The following PDAP1 variants were observed in gnomAD, a reference collection of about 807,000 sequenced individuals.
The protein encoded by PDAP1 is PDGFA associated protein 1, also known as 28 kDa heat- and acid-stable phosphoprotein.
In PDAP1, 13 loss-of-function variants were observed where a neutral mutation model predicts 28.0. The observed-to-expected ratio is 0.46, with a 90% confidence interval of 0.30 to 0.74. PDAP1 has a LOEUF of 0.74. Ranked by LOEUF, PDAP1 falls within the 30% of genes least tolerant of loss-of-function variation. The pLI is 0.07. For synonymous variants in PDAP1, 77 were observed against 85.1 expected (o/e 0.91, Z 0.52); for missense variants, 150 against 230.0 (o/e 0.65, Z 2.25).
At chr7:99,402,654 G>A (rs946562836) in intron 3 of PDAP1, among the ~76,000 whole-genome samples, 10 of 150,868 alleles carry the variant, frequency 6.6e-5, no homozygotes, top group East Asian at 3.9e-4. Flanking sequence ...AGGCTGATGC[G>A]GGTGGATCAC....
intron 4 of PDAP1, among the ~76,000 whole-genome samples, chr7:99,399,153 C>T (rs1404108849): frequency 6.6e-6 from 1 of 152,048 alleles, no homozygotes; most frequent in Non-Finnish European, 1.5e-5. Context: ...GTACACAGAA[C>T]TGGGGAGTAA....
chr7:99,408,125 A>C (rs1481244425), intron 1 of PDAP1, among the ~76,000 whole-genome samples: 1 of 152,142 alleles, frequency 6.6e-6, no homozygotes, highest in African/African-American at 2.4e-5. Flanking sequence ...AAGTCCTCCT[A>C]GGCAGGCCTG....
At chr7:99,402,522 C>T (rs1584420958) in intron 3 of PDAP1, among the ~76,000 whole-genome samples, 2 of 145,064 alleles carry the variant, frequency 1.4e-5, no homozygotes, top group East Asian at 4.1e-4. Flanking sequence ...TGCGGTGCTT[C>T]ACTGCAGCTT....
At chr7:99,402,827 T>C (rs1433646021) in intron 3 of PDAP1, among the ~76,000 whole-genome samples, 3 of 140,782 alleles carry the variant, frequency 2.1e-5, no homozygotes, top group Admixed American at 1.5e-4. Flanking sequence ...TGCAGTGAGC[T>C]GAGATCGTGC....
chr7:99,397,490 C>A (rs915386623), intron 5 of PDAP1, among the ~76,000 whole-genome samples: 1 of 152,194 alleles, frequency 6.6e-6, no homozygotes, highest in African/African-American at 2.4e-5. Flanking sequence ...GCGGTGACCT[C>A]AGGCATCTCT....
At chr7:99,402,170 A>C (rs988385454) in intron 3 of PDAP1, among the ~76,000 whole-genome samples, 5 of 144,684 alleles carry the variant, frequency 3.5e-5, no homozygotes, top group African/African-American at 1.3e-4. Context: ...CGGAGCTTGC[A>C]GTGAGCCGAG....
In PDAP1 at chr7:99,400,289, G is replaced by GCCA. The variant is rs375916830; in HGVS notation, c.335+11_335+13dup. On this transcript the variant is annotated intron_variant, in intron 4 of 5. Coordinates refer to ENST00000350498, the MANE Select transcript of PDAP1 (RefSeq NM_014891.7). Reference sequence around the variant, plus strand: ...TGTATTCCCCGTGACACAAGGCCCAGCCAGTGATGTTACCGTTCTCTCCTC... The same window carrying GCCA: ...TGTATTCCCCGTGACACAAGGCCCAGCCACCAGTGATGTTACCGTTCTCTCCTC... 4 of 1,612,930 alleles carry GCCA rather than the reference G, an allele frequency of 2.5e-6. No individual in the cohort carries two copies. The African/African-American group carries it at 4.0e-5, about 16-fold the overall frequency.
intron 3 of PDAP1, among the ~76,000 whole-genome samples, chr7:99,402,899 AAAG>A (rs1465331157): frequency 6.6e-4 from 99 of 150,198 alleles, no homozygotes; most frequent in African/African-American, 2.4e-3. Context: ...AAAAAAAAGA[AAAG>A]AAAAGAAAAG....
At chr7:99,399,666 T>C (rs1415025971) in intron 4 of PDAP1, among the ~76,000 whole-genome samples, 1 of 152,128 alleles carries the variant, frequency 6.6e-6, no homozygotes, top group Non-Finnish European at 1.5e-5. Context: ...CCCTCAGCCA[T>C]TATCCTAAAT....
intron 3 of PDAP1, 56 bp downstream of exon 3, chr7:99,403,342 C>T (rs1472793771): frequency 3.6e-5 from 38 of 1,066,258 alleles, no homozygotes; most frequent in Non-Finnish European, 5.0e-5. Flanking sequence ...GGTCACTCAA[C>T]GTTTGTTTGT....
intron 4 of PDAP1, among the ~76,000 whole-genome samples, chr7:99,398,699 A>C (rs1485023315): frequency 1.3e-5 from 2 of 152,112 alleles, no homozygotes; most frequent in East Asian, 3.9e-4. Context: ...GTGAAATCCT[A>C]TCTCTAAAAA....
chr7:99,399,287 G>A (rs531320385), intron 4 of PDAP1, among the ~76,000 whole-genome samples: 43 of 152,304 alleles, frequency 2.8e-4, no homozygotes, highest in African/African-American at 1.0e-3. Flanking sequence ...TAGCTCAGGA[G>A]GGATGTGCCA....
Position 99,396,531 on chromosome 7 carries a change from T to A in PDAP1, c.*151A>T. On this transcript the variant is annotated 3_prime_UTR_variant, in exon 6 of 6. Transcript: ENST00000350498. Reference sequence around the variant, plus strand: ...CCCCCCCCATCCCCCAAACAATTTCTGTGCCAAGATGAAGAGGAGGCCCCA... The same window carrying A: ...CCCCCCCCATCCCCCAAACAATTTCAGTGCCAAGATGAAGAGGAGGCCCCA... 4.5e-6 allele frequency: 2 copies of A among 440,938 alleles called. No homozygotes were observed. Among genetic ancestry groups the A allele is most frequent in the East Asian group, 1.3e-4 (2 of 15,620 alleles). 27.3% of individuals were successfully genotyped at this position (440,938 alleles called of 1,614,324 possible).
At chr7:99,397,733 C>G in intron 5 of PDAP1, 129 bp downstream of exon 5, 13 of 1,155,834 alleles carry the variant, frequency 1.1e-5, no homozygotes, top group Non-Finnish European at 1.6e-5. Flanking sequence ...CTCTCCTGAA[C>G]GACCTCCTAG....
chr7:99,405,972 C>T (rs1204163402), intron 1 of PDAP1, among the ~76,000 whole-genome samples: 1 of 152,208 alleles, frequency 6.6e-6, no homozygotes, highest in African/African-American at 2.4e-5. Context: ...TCGCTAATAT[C>T]CAGGCACAGT....
intron 1 of PDAP1, 35 bp downstream of exon 1, chr7:99,408,501 T>C: frequency 7.5e-7 from 1 of 1,336,100 alleles, no homozygotes; most frequent in Non-Finnish European, 9.6e-7. Flanking sequence ...GGGCCGCCCC[T>C]CCAGGCCTGC....
At chr7:99,408,499 C>T (rs1795032166) in intron 1 of PDAP1, 37 bp downstream of exon 1, 1 of 1,336,624 alleles carries the variant, frequency 7.5e-7, no homozygotes, top group South Asian at 1.8e-5. Flanking sequence ...CTGGGCCGCC[C>T]CTCCAGGCCT....
chr7:99,398,369 A>G (rs1231630383), intron 4 of PDAP1, among the ~76,000 whole-genome samples: 1 of 152,194 alleles, frequency 6.6e-6, no homozygotes, highest in Non-Finnish European at 1.5e-5. Context: ...GATGACCAGG[A>G]GGATGAAAGC....
At chr7:99,404,005 G>A (rs985482390) in intron 2 of PDAP1, among the ~76,000 whole-genome samples, 2 of 152,096 alleles carry the variant, frequency 1.3e-5, no homozygotes, top group African/African-American at 4.8e-5. Flanking sequence ...CAGCTCCCCA[G>A]AACAACACCT....
Sources: gnomAD v4.1 joint callset for allele counts (sites outside exome capture counted in the v4.1 genomes callset) on GRCh38, gnomAD v4.1.1 for gene constraint, MANE v1.5 for transcripts, NCBI Gene and HGNC (gene_info 2026-07-23, HGNC 2026-07-21) for gene names.